Variants in EPHA6 observed in about 807,000 individuals in gnomAD.
The protein encoded by EPHA6 is ephrin type-A receptor 6.
EPHA6 carries 50 observed loss-of-function variants against 112.0 expected under a neutral mutation model. That is an observed-to-expected ratio of 0.45 (90% CI 0.36 to 0.56). The LOEUF (loss-of-function observed/expected upper bound fraction) is 0.56. EPHA6 is among the 20% of genes least tolerant of loss of function. EPHA6 has a pLI of 0.00. For missense variants in EPHA6, 1,280 were observed against 1,417.4 expected (o/e 0.90, Z 1.56); for synonymous variants, 529 against 490.7 (o/e 1.08, Z -1.03).
chr3:97,340,931 T>A (rs763429864), intron 5 of EPHA6, among the ~76,000 whole-genome samples: 1 of 152,210 alleles, frequency 6.6e-6, no homozygotes, highest in African/African-American at 2.4e-5. Context: ...TGTACGATTT[T>A]GGGGCTGGGG....
chr3:97,729,907 G>T (rs1398450896), intron 15 of EPHA6, among the ~76,000 whole-genome samples: 1 of 152,012 alleles, frequency 6.6e-6, no homozygotes, highest in Non-Finnish European at 1.5e-5. Flanking sequence ...TTTCCACAAA[G>T]ATGTGAAGAA....
At chr3:96,849,757 T>C (rs570190938) in intron 1 of EPHA6, among the ~76,000 whole-genome samples, 5 of 152,156 alleles carry the variant, frequency 3.3e-5, no homozygotes, top group African/African-American at 4.8e-5. Context: ...CTGTGCTGAC[T>C]GGAGGTTCTT....
At position 96,881,229 on chromosome 3, in the gene EPHA6, A is replaced by G. The variant is rs148188234; in HGVS notation, c.450+14340A>G. Among the ~76,000 whole-genome samples, 60 of 152,162 alleles carry G rather than the reference A, an allele frequency of 3.9e-4. No individual in the cohort carries two copies. In the East Asian group the frequency reaches 7.9e-3, roughly 20 times the overall value. On this transcript the variant is annotated intron_variant, in intron 2 of 17. Coordinates refer to ENST00000389672, the MANE Select transcript of EPHA6 (RefSeq NM_001080448.3). ...CTTTTTTTAATGTATGTAGAAATTG[A>G]TAAATCATTGTATTAGTCTGCTTTC... is the stretch of plus-strand genomic sequence containing the variant.
In EPHA6 at chr3:97,756,373, A is replaced by C. The variant is rs889230891; in HGVS notation, c.*7672A>C. 1.3e-5 allele frequency among the ~76,000 whole-genome samples: 2 copies of C among 151,958 alleles called. No homozygotes were observed. The highest frequency in any genetic ancestry group is 2.9e-5 in the Non-Finnish European group (2 of 67,826). On this transcript the variant is annotated 3_prime_UTR_variant, in exon 18 of 18. Transcript: ENST00000389672. ...CTCATTGTTAAATTTAACTTGTTTA[A>C]ATATCCATTGGTATATTATCAAGAG... is the stretch of plus-strand genomic sequence containing the variant.
rs911827575 is a variant in EPHA6 at position 97,755,750 on chromosome 3, T to C, written c.*7049T>C. ...AATATGAGCTTACATGAGAAGCAAA[T>C]TGATGTGAACATTTCTCTACAAGTT... On this transcript the variant is annotated 3_prime_UTR_variant, in exon 18 of 18. Transcript: ENST00000389672. 1.3e-5 allele frequency among the ~76,000 whole-genome samples: 2 copies of C among 152,116 alleles called. No homozygotes were observed. Among genetic ancestry groups the C allele is most frequent in the Non-Finnish European group, 2.9e-5 (2 of 67,954 alleles).
chr3:97,521,852 C>A (rs151270584), intron 10 of EPHA6, among the ~76,000 whole-genome samples: 1 of 148,986 alleles, frequency 6.7e-6, no homozygotes, highest in East Asian at 2.0e-4. Context: ...GAGTTGAAAG[C>A]TGAAATGGTC....
At chr3:96,861,849 A>T (rs1031246448) in intron 1 of EPHA6, among the ~76,000 whole-genome samples, 2 of 151,988 alleles carry the variant, frequency 1.3e-5, no homozygotes, top group African/African-American at 4.8e-5. Context: ...TCCTCTTTAG[A>T]AGATTTTATC....
chr3:97,111,816 A>T (rs1482347142), intron 3 of EPHA6, among the ~76,000 whole-genome samples: 2 of 152,116 alleles, frequency 1.3e-5, no homozygotes, highest in African/African-American at 4.8e-5. Flanking sequence ...GACGGCACTG[A>T]AGCAATTAAA....
At chr3:97,148,008 CTT>C (rs2076084655) in intron 3 of EPHA6, among the ~76,000 whole-genome samples, 1 of 152,052 alleles carries the variant, frequency 6.6e-6, no homozygotes, top group Admixed American at 6.6e-5. Flanking sequence ...GAACTCTAAT[CTT>C]TGCATATTTT....
At position 97,720,382 on chromosome 3, in the gene EPHA6, G is replaced by C; in HGVS notation, c.2906G>C (p.Arg969Thr). ...VMWEVMSYGE[R>T]PYWEMSNQDV... Reference sequence around the variant, plus strand: ...TGGGAGGTCATGTCCTATGGAGAGAGACCTTATTGGGAAATGTCTAACCAA... The same window carrying C: ...TGGGAGGTCATGTCCTATGGAGAGACACCTTATTGGGAAATGTCTAACCAA... The change falls in exon 15 of 18, where the codon AGA becomes ACA. Residue 969 changes from arginine (R) to threonine (T), a missense_variant. Arg to Thr is a moderately conservative substitution (Grantham distance 71, BLOSUM62 -1). This residue lies in a region of EPHA6 where 37 missense variants were observed against 92.9 expected (regional missense o/e 0.40). Transcript: ENST00000389672. 6.2e-7 allele frequency: 1 copy of C among 1,601,720 alleles called. No homozygotes were observed. The highest frequency in any genetic ancestry group is 8.5e-7 in the Non-Finnish European group (1 of 1,175,030).
rs1420989253 is a variant in EPHA6 at position 97,753,903 on chromosome 3, T to C, written c.*5202T>C. Among the ~76,000 whole-genome samples, 4 of 152,020 alleles carry C rather than the reference T, an allele frequency of 2.6e-5. No individual in the cohort carries two copies. Among genetic ancestry groups the C allele is most frequent in the African/African-American group, 9.7e-5 (4 of 41,418 alleles). The stretch of plus-strand genomic sequence containing the variant: ...AAGATTTCTCAGGATAAAAATTAAC[T>C]TTTTTTGTTATAAGTGGATGTGGCA... On this transcript the variant is annotated 3_prime_UTR_variant, in exon 18 of 18. Transcript: ENST00000389672.
chr3:97,496,885 T>C (rs1016060900), intron 10 of EPHA6, among the ~76,000 whole-genome samples: 6 of 152,160 alleles, frequency 3.9e-5, no homozygotes, highest in Non-Finnish European at 7.4e-5. Context: ...GAAATCATTA[T>C]TTAGGATAGG....
In EPHA6 at chr3:97,226,427, T is replaced by C. The variant is rs777112210; in HGVS notation, c.1270+8T>C. 6.3e-7 allele frequency: 1 copy of C among 1,590,410 alleles called. No homozygotes were observed. The highest frequency in any genetic ancestry group is 8.5e-7 in the Non-Finnish European group (1 of 1,171,672). ...CTTCTATGGCATGTACCAGTAAGTC[T>C]ATACATTTTGGATTTGGAAATTCTG... On this transcript the variant is annotated splice_region_variant and intron_variant, in intron 4 of 17. Coordinates refer to ENST00000389672, the MANE Select transcript of EPHA6 (RefSeq NM_001080448.3).
chr3:96,968,006 C>A (rs2042187308), intron 2 of EPHA6, among the ~76,000 whole-genome samples: 1 of 151,600 alleles, frequency 6.6e-6, no homozygotes, highest in Admixed American at 6.6e-5. Flanking sequence ...CTATTGTATA[C>A]CTTTTATTTA....
Position 97,754,026 on chromosome 3 carries a change from A to G in EPHA6, c.*5325A>G, listed in dbSNP as rs934856006. ...ACAAATCATCTTTTTCTGAGTAATA[A>G]ATTAGCTTCAAATTAACAATGAGTT... is the stretch of plus-strand genomic sequence containing the variant. On this transcript the variant is annotated 3_prime_UTR_variant, in exon 18 of 18. Transcript: ENST00000389672. Among the ~76,000 whole-genome samples the G allele has an allele frequency of 7.2e-5, 11 of 152,074 alleles. No homozygotes were observed. Among genetic ancestry groups the G allele is most frequent in the African/African-American group, 2.7e-4 (11 of 41,428 alleles).
intron 5 of EPHA6, among the ~76,000 whole-genome samples, chr3:97,380,814 A>T (rs966125665): frequency 6.6e-6 from 1 of 152,158 alleles, no homozygotes; most frequent in African/African-American, 2.4e-5. Flanking sequence ...TCCTTTTTAG[A>T]TATATTATTC....
intron 7 of EPHA6, among the ~76,000 whole-genome samples, chr3:97,451,764 C>T (rs915268698): frequency 2.0e-5 from 3 of 151,800 alleles, no homozygotes; most frequent in Admixed American, 6.6e-5. Context: ...TTTTTCTCTC[C>T]GTACCCTCCT....
At chr3:97,356,404 C>T (rs1037812028) in intron 5 of EPHA6, among the ~76,000 whole-genome samples, 3 of 152,146 alleles carry the variant, frequency 2.0e-5, no homozygotes, top group Non-Finnish European at 2.9e-5. Flanking sequence ...TCCCCCTCAC[C>T]CCCATTCCAT....
At chr3:96,885,325 G>A (rs2037563299) in intron 2 of EPHA6, among the ~76,000 whole-genome samples, 1 of 152,064 alleles carries the variant, frequency 6.6e-6, no homozygotes, top group South Asian at 2.1e-4. Context: ...TTGAATGTCT[G>A]GTGGAATTCT....
Sources: gnomAD v4.1 joint callset for allele counts (sites outside exome capture counted in the v4.1 genomes callset) on GRCh38, gnomAD v4.1.1 for gene constraint, gnomAD v4.1.1 regional missense constraint, MANE v1.5 for transcripts, NCBI Gene and HGNC (gene_info 2026-07-23, HGNC 2026-07-21) for gene names.